The following VAT1 variants were observed in gnomAD, a reference collection of about 807,000 sequenced individuals.
VAT1 encodes vesicle amine transport 1.
Under a neutral mutation model 33.3 loss-of-function variants are expected in VAT1, and 24 were observed. The ratio of observed to expected loss-of-function variants is 0.72; its 90% CI spans 0.52 to 1.01. The LOEUF (loss-of-function observed/expected upper bound fraction) is 1.01. Ranked by LOEUF, VAT1 falls within the 50% of genes least tolerant of loss-of-function variation. The pLI is 0.00. For synonymous variants in VAT1, 212 were observed against 225.0 expected (o/e 0.94, Z 0.52); for missense variants, 436 against 533.7 (o/e 0.82, Z 1.80).
At chr17:43,017,689 CA>C in intron 4 of VAT1, 151 bp downstream of exon 4, 1 of 588,138 alleles carries the variant, frequency 1.7e-6, no homozygotes, top group South Asian at 2.5e-5. Context: ...AATCTGAATG[CA>C]GCATACAGGA....
At chr17:43,021,185 G>C (rs917909884) in intron 1 of VAT1, among the ~76,000 whole-genome samples, 7 of 152,208 alleles carry the variant, frequency 4.6e-5, no homozygotes, top group African/African-American at 1.4e-4. Flanking sequence ...GCATTCCCAA[G>C]GGCAGCCCCG....
At chr17:43,020,223 GGAGA>G in intron 1 of VAT1, 2 of 985,298 alleles carry the variant, frequency 2.0e-6, no homozygotes, top group Non-Finnish European at 2.4e-6. Flanking sequence ...GGAGGAGGAG[GGAGA>G]GAGAGGGAAG....
intron 1 of VAT1, chr17:43,019,363 T>C (rs1159487084): frequency 6.5e-6 from 1 of 153,054 alleles, no homozygotes; most frequent in Non-Finnish European, 1.5e-5. Context: ...CACTTAATAA[T>C]GTTAGCTAAC....
At chr17:43,018,939 TAATAAC>T (rs1431003993) in intron 1 of VAT1, 140 bp from the exon 2 acceptor site, 4 of 791,858 alleles carry the variant, frequency 5.1e-6, no homozygotes, top group Non-Finnish European at 8.0e-6. Context: ...ATAATAATAA[TAATAAC>T]ATCATCATCA....
chr17:43,018,014 C>T (rs765663145), intron 3 of VAT1, 22 bp downstream of exon 3: 17 of 1,612,736 alleles, frequency 1.1e-5, no homozygotes, highest in Middle Eastern at 1.7e-4. Flanking sequence ...CTCCCTACCC[C>T]CTCCCATATT....
rs1291215293 is a variant in VAT1, at chr17:43,014,621, T to G, written c.*1440A>C. The G allele has an allele frequency of 1.3e-5, 3 of 235,416 alleles. No homozygotes were observed. The highest frequency in any genetic ancestry group is 2.5e-5 in the Non-Finnish European group (3 of 121,818). 14.6% of individuals were successfully genotyped at this position (235,416 alleles called of 1,614,324 possible). On this transcript the variant is annotated 3_prime_UTR_variant, in exon 6 of 6. Transcript: ENST00000355653. ...CAAGCAGGACCCAGGGTTTGGCTTTTTATTGACACAAACACACAAAGGCAG... is the reference window on the plus strand; with the variant it reads ...CAAGCAGGACCCAGGGTTTGGCTTTGTATTGACACAAACACACAAAGGCAG...
intron 1 of VAT1, chr17:43,020,361 A>T: frequency 1.1e-6 from 1 of 885,726 alleles, no homozygotes; most frequent in Non-Finnish European, 1.4e-6. Context: ...AGTAACATGA[A>T]CTACAACTAC....
chr17:43,016,687 C>T, intron 4 of VAT1, 139 bp from the exon 5 acceptor site: 1 of 1,375,694 alleles, frequency 7.3e-7, no homozygotes. Flanking sequence ...TCTCAAACTG[C>T]TGGTTACCAG....
At chr17:43,021,154 C>T (rs2050563625) in intron 1 of VAT1, among the ~76,000 whole-genome samples, 1 of 152,194 alleles carries the variant, frequency 6.6e-6, no homozygotes, top group South Asian at 2.1e-4. Flanking sequence ...GGTGGGTCCC[C>T]CCTTCCACTC....
chr17:43,022,164 G>A lies in VAT1; in HGVS notation c.159C>T (p.Leu53=), dbSNP rs2050575757. Residue 53 remains leucine (L), a synonymous_variant, in exon 1 of 6, where the codon CTC becomes CTT. Coordinates refer to ENST00000355653, the MANE Select transcript of VAT1 (RefSeq NM_006373.4). ...CCTTGTCGTAGCCTCCAAAGCCGGTGAGCACTAGGCAGCGCAGCAGTGGCG... is the reference window on the plus strand; with the variant it reads ...CCTTGTCGTAGCCTCCAAAGCCGGTAAGCACTAGGCAGCGCAGCAGTGGCG... ...ASPPLLRCLV[L]TGFGGYDKVK... The A allele has an allele frequency of 1.3e-6, 2 of 1,559,186 alleles. No homozygotes were observed. The highest frequency in any genetic ancestry group is 1.7e-6 in the Non-Finnish European group (2 of 1,151,436).
Position 43,018,670 on chromosome 17 carries a change from A to G in VAT1, c.517T>C (p.Tyr173His), listed in dbSNP as rs1470368188. Reference sequence around the variant, plus strand: ...AAGAGGACCATGTAGGCTGTAATGTAATTGACGAGCAAGGCAGCAGCTTCC... The same window carrying G: ...AAGAGGACCATGTAGGCTGTAATGTGATTGACGAGCAAGGCAGCAGCTTCC... ...FEEAAALLVNYITAYMVLFDF... is the reference protein window; with the variant it reads ...FEEAAALLVNHITAYMVLFDF... Residue 173 changes from tyrosine to histidine, a missense_variant, in exon 2 of 6, where the codon TAC becomes CAC. Coordinates refer to ENST00000355653, the MANE Select transcript of VAT1 (RefSeq NM_006373.4). 2.2e-5 allele frequency: 36 copies of G among 1,614,032 alleles called. No homozygotes were observed. Among genetic ancestry groups the G allele is most frequent in the Non-Finnish European group, 3.1e-5 (36 of 1,180,038 alleles).
At chr17:43,017,462 A>G (rs2050529652) in intron 4 of VAT1, among the ~76,000 whole-genome samples, 1 of 151,594 alleles carries the variant, frequency 6.6e-6, no homozygotes, top group Non-Finnish European at 1.5e-5. Context: ...AGACACCTGT[A>G]ATTCCAGCTA....
At chr17:43,020,606 A>G (rs570617328) in intron 1 of VAT1, among the ~76,000 whole-genome samples, 2 of 152,250 alleles carry the variant, frequency 1.3e-5, no homozygotes, top group East Asian at 3.9e-4. Context: ...GGCCAAGCGC[A>G]GTGGCTTATG....
At position 43,022,370 on chromosome 17, in the gene VAT1, C is replaced by G. The variant is rs931046228; in HGVS notation, c.-48G>C. ...GCACAGCTGGATGGAGAGTGCACAG[C>G]TGGGGAAGGCGGAACGCGTCGGGAA... is the stretch of plus-strand genomic sequence containing the variant. On this transcript the variant is annotated 5_prime_UTR_variant, in exon 1 of 6. Coordinates refer to ENST00000355653, the MANE Select transcript of VAT1 (RefSeq NM_006373.4). 3 of 1,471,700 alleles carry G rather than the reference C, an allele frequency of 2.0e-6. No individual in the cohort carries two copies. Among genetic ancestry groups the G allele is most frequent in the Non-Finnish European group, 2.7e-6 (3 of 1,116,446 alleles). 91.2% of individuals were successfully genotyped at this position (1,471,700 alleles called of 1,614,324 possible).
In VAT1 at chr17:43,022,285, C is replaced by A; in HGVS notation, c.38G>T (p.Gly13Val). The A allele has an allele frequency of 6.3e-7, 1 of 1,587,772 alleles. No individual in the cohort carries two copies. Among genetic ancestry groups the A allele is most frequent in the East Asian group, 2.3e-5 (1 of 44,002 alleles). The change falls in exon 1 of 6, where the codon GGG becomes GTG. Residue 13 changes from glycine (G) to valine (V), a missense_variant. Physicochemically the swap from Gly to Val is moderately radical, Grantham distance 109. This residue lies in a region of VAT1 where 154 missense variants were observed against 128.3 expected (regional missense o/e 1.20). Transcript: ENST00000355653. ...DEREVAEAAT[G>V]EDASSPPPKT... is the part of the protein sequence containing the mutation. ...CGGAGGCGGCGAAGAGGCGTCTTCC[C>A]CGGTCGCTGCCTCGGCTACCTCTCT... is the stretch of plus-strand genomic sequence containing the variant.
chr17:43,016,452 T>C lies in VAT1; in HGVS notation c.953A>G (p.Gln318Arg), dbSNP rs2050521247. The C allele has an allele frequency of 1.9e-6, 3 of 1,614,224 alleles. No homozygotes were observed. The South Asian group carries it at 3.3e-5, about 18-fold the overall frequency. Residue 318 changes from glutamine (Q) to arginine (R), a missense_variant, in exon 5 of 6, where the codon CAG becomes CGG. Gln to Arg is a conservative substitution (Grantham distance 43). Around this residue, in one of 2 missense-constraint regions of VAT1, gnomAD observed 282 missense variants for 405.4 expected, o/e 0.70. Coordinates refer to ENST00000355653, the MANE Select transcript of VAT1 (RefSeq NM_006373.4). ...GAAGCCACACACAGCCCGGTTGGCC[T>C]GCAGCAGCTGCAGAGCTGTCACGCT... The part of the protein sequence containing the change: ...QFSVTALQLL[Q>R]ANRAVCGFHL...
In VAT1 at chr17:43,017,772, T is replaced by C. The variant is rs2151970942; in HGVS notation, c.856+69A>G. On this transcript the variant is annotated intron_variant, in intron 4 of 5. Transcript: ENST00000355653. ...TTCTTCATTCAAAAGCCCTGGCCTC[T>C]ATATCCCACCCCTTAGACCCTCCCT... 2.0e-6 allele frequency: 3 copies of C among 1,471,340 alleles called. No homozygotes were observed. The East Asian group carries it at 6.8e-5, about 34-fold the overall frequency. 91.1% of individuals were successfully genotyped at this position (1,471,340 alleles called of 1,614,324 possible).
At chr17:43,018,274 T>C (rs1164176579) in intron 2 of VAT1, 68 bp from the exon 3 acceptor site, 12 of 1,523,504 alleles carry the variant, frequency 7.9e-6, no homozygotes, top group Non-Finnish European at 1.8e-6. Context: ...CATTCTAGCC[T>C]CCCAGGGACT....
At chr17:43,020,403 C>T (rs542202573) in intron 1 of VAT1, 4 of 533,134 alleles carry the variant, frequency 7.5e-6, no homozygotes, top group African/African-American at 4.1e-5. Flanking sequence ...GACGCCTGCT[C>T]AAGAGTGGGA....
Sources: allele counts gnomAD v4.1 joint callset (sites outside exome capture counted in the v4.1 genomes callset), GRCh38; gene constraint gnomAD v4.1.1; regional missense constraint gnomAD v4.1.1; transcripts MANE v1.5; gene names NCBI Gene and HGNC (gene_info 2026-07-23, HGNC 2026-07-21).